The following OPCML variants were observed in gnomAD, a reference collection of about 807,000 sequenced individuals.
OPCML encodes opioid-binding protein/cell adhesion molecule.
In OPCML, 13 loss-of-function variants were observed where a neutral mutation model predicts 37.8. That is an observed-to-expected ratio of 0.34 (90% confidence interval 0.22 to 0.55). OPCML has a LOEUF of 0.55. Among genes scored for constraint, OPCML ranks in the 20% least tolerant of loss-of-function variants. The pLI is 0.91. For synonymous variants in OPCML, 176 were observed against 168.8 expected (o/e 1.04, Z -0.33); for missense variants, 341 against 435.6 (o/e 0.78, Z 1.93).
intron 1 of OPCML, among the ~76,000 whole-genome samples, chr11:133,519,684 C>T (rs1035453967): frequency 1.3e-5 from 2 of 152,204 alleles, no homozygotes; most frequent in Admixed American, 1.3e-4. Flanking sequence ...TGATAACAAA[C>T]AAACCTCTTG....
intron 2 of OPCML, among the ~76,000 whole-genome samples, chr11:132,668,738 G>A (rs1313933478): frequency 1.3e-5 from 2 of 152,244 alleles, no homozygotes; most frequent in East Asian, 1.9e-4. Flanking sequence ...TATTGATGTG[G>A]TATTAATCAG....
intron 1 of OPCML, among the ~76,000 whole-genome samples, chr11:133,338,793 A>T (rs1195096543): frequency 6.6e-6 from 1 of 152,226 alleles, no homozygotes; most frequent in Non-Finnish European, 1.5e-5. Context: ...AGCTTTGCCC[A>T]CGCACCAGGA....
At chr11:132,789,579 G>C (rs1183471270) in intron 2 of OPCML, among the ~76,000 whole-genome samples, 2 of 152,180 alleles carry the variant, frequency 1.3e-5, no homozygotes, top group Non-Finnish European at 2.9e-5. Context: ...CTGGACAAAT[G>C]GATCAGGAGG....
chr11:133,359,430 A>G (rs1168145271), intron 1 of OPCML, among the ~76,000 whole-genome samples: 2 of 152,206 alleles, frequency 1.3e-5, no homozygotes, highest in African/African-American at 4.8e-5. Flanking sequence ...ACTGATGACT[A>G]TATATGACTA....
chr11:133,474,328 A>T (rs1373846852), intron 1 of OPCML, among the ~76,000 whole-genome samples: 1 of 152,208 alleles, frequency 6.6e-6, no homozygotes, highest in Non-Finnish European at 1.5e-5. Flanking sequence ...TAAAAATCCC[A>T]GCTGTCAATC....
intron 2 of OPCML, among the ~76,000 whole-genome samples, chr11:132,741,849 A>G (rs903036207): frequency 2.0e-5 from 3 of 151,906 alleles, no homozygotes; most frequent in African/African-American, 7.3e-5. Flanking sequence ...CAACATGAAG[A>G]AACCCCGTCT....
At chr11:133,005,650 A>G (rs1016220443) in intron 1 of OPCML, 4 of 984,172 alleles carry the variant, frequency 4.1e-6, no homozygotes, top group Admixed American at 1.2e-4. Context: ...ATCCAAGAAA[A>G]AAAAACTGTT....
chr11:133,376,534 G>A (rs1454453043), intron 1 of OPCML, among the ~76,000 whole-genome samples: 1 of 152,148 alleles, frequency 6.6e-6, no homozygotes, highest in Non-Finnish European at 1.5e-5. Flanking sequence ...ATACTATGTA[G>A]ACATGTGTAT....
At chr11:132,960,852 GC>G (rs1350773944) in intron 1 of OPCML, among the ~76,000 whole-genome samples, 1 of 152,136 alleles carries the variant, frequency 6.6e-6, no homozygotes, top group Non-Finnish European at 1.5e-5. Flanking sequence ...TGTTACTGGG[GC>G]CCCGAAGAGA....
chr11:133,120,745 G>A (rs193177555), intron 1 of OPCML, among the ~76,000 whole-genome samples: 105 of 152,282 alleles, frequency 6.9e-4, no homozygotes, highest in South Asian at 2.9e-3. Flanking sequence ...GATGTGTCAA[G>A]AGTTCATGCT....
chr11:132,735,059 A>T (rs1945208241), intron 2 of OPCML, among the ~76,000 whole-genome samples: 1 of 152,198 alleles, frequency 6.6e-6, no homozygotes, highest in African/African-American at 2.4e-5. Context: ...TAAGTTTTTC[A>T]TGCTTTTTAT....
At chr11:133,006,437 G>A (rs577741289) in intron 1 of OPCML, 728 of 985,244 alleles carry the variant, frequency 7.4e-4, no homozygotes, top group Non-Finnish European at 8.2e-4. Flanking sequence ...TGCAACAACT[G>A]GAAGACCTTG....
At chr11:133,077,143 G>C (rs1046790232) in intron 1 of OPCML, among the ~76,000 whole-genome samples, 2 of 152,042 alleles carry the variant, frequency 1.3e-5, no homozygotes, top group Non-Finnish European at 2.9e-5. Context: ...GGACTTCTGA[G>C]CTTTGCTTAT....
intron 3 of OPCML, among the ~76,000 whole-genome samples, chr11:132,554,883 T>TTTTTTTTTTTTTTTTC (rs1255603307): frequency 2.5e-4 from 31 of 125,736 alleles, no homozygotes; most frequent in Middle Eastern, 4.1e-3. Context: ...TTTTTTTTTT[T>TTTTTTTTTTTTTTTTC]TTTTTTTTCA....
chr11:133,228,998 C>G (rs1429950322), intron 1 of OPCML, among the ~76,000 whole-genome samples: 1 of 152,184 alleles, frequency 6.6e-6, no homozygotes, highest in East Asian at 1.9e-4. Context: ...GTTTCTGCAC[C>G]TTGTGCTCAG....
chr11:133,379,408 C>T lies in OPCML; in HGVS notation c.61+152856G>A, dbSNP rs531381995. 3.9e-5 allele frequency among the ~76,000 whole-genome samples: 6 copies of T among 152,336 alleles called. No individual in the cohort carries two copies. In the East Asian group the frequency reaches 1.2e-3, roughly 29 times the overall value. Reference sequence around the variant, plus strand: ...CCCTCTGCGGCCACACCCATTTCTTCAGCACTTCATTTATTTGTGTGCTCA... The same window carrying T: ...CCCTCTGCGGCCACACCCATTTCTTTAGCACTTCATTTATTTGTGTGCTCA... On this transcript the variant is annotated intron_variant, in intron 1 of 7. Transcript: ENST00000524381.
chr11:132,955,244 G>A (rs2136706612), intron 1 of OPCML, among the ~76,000 whole-genome samples: 1 of 152,230 alleles, frequency 6.6e-6, no homozygotes, highest in South Asian at 2.1e-4. Context: ...GTCTGAAGGT[G>A]AAGAGCTCCT....
chr11:133,078,793 G>C (rs1256963885), intron 1 of OPCML, among the ~76,000 whole-genome samples: 2 of 152,284 alleles, frequency 1.3e-5, no homozygotes, highest in East Asian at 1.9e-4. Flanking sequence ...AAGAATCTTG[G>C]CTGTCACTCC....
At chr11:133,499,092 G>A (rs951802596) in intron 1 of OPCML, among the ~76,000 whole-genome samples, 1 of 152,130 alleles carries the variant, frequency 6.6e-6, no homozygotes, top group Non-Finnish European at 1.5e-5. Context: ...AGTCACTGAA[G>A]GACGGTGACA....
Sources: gnomAD v4.1 joint callset for allele counts (sites outside exome capture counted in the v4.1 genomes callset) on GRCh38, gnomAD v4.1.1 for gene constraint, MANE v1.5 for transcripts, NCBI Gene and HGNC (gene_info 2026-07-23, HGNC 2026-07-21) for gene names.